Variants in NTRK2 observed in about 807,000 individuals in gnomAD.
NTRK2 encodes BDNF/NT-3 growth factors receptor.
NTRK2 carries 13 observed loss-of-function variants against 94.5 expected under a neutral mutation model. The ratio of observed to expected loss-of-function variants is 0.14; its 90% CI spans 0.09 to 0.22. The LOEUF (loss-of-function observed/expected upper bound fraction) is 0.22. Ranked by LOEUF, NTRK2 falls within the 10% of genes least tolerant of loss-of-function variation. The pLI, the probability that NTRK2 is intolerant of heterozygous loss-of-function variation, is 1.00. For synonymous variants in NTRK2, 372 were observed against 407.4 expected, an observed-to-expected ratio of 0.91 and a Z score of 1.05; for missense variants, 639 against 1,071.2, an observed-to-expected ratio of 0.60 and a Z score of 5.63.
chr9:84,796,879 T>C (rs1356008457), intron 12 of NTRK2, among the ~76,000 whole-genome samples: 2 of 152,216 alleles, frequency 1.3e-5, no homozygotes, highest in Non-Finnish European at 2.9e-5. Flanking sequence ...TTTTTTTCTT[T>C]TGGGTAAGGC....
chr9:84,764,184 C>T (rs116282952), intron 12 of NTRK2, among the ~76,000 whole-genome samples: 43 of 152,304 alleles, frequency 2.8e-4, no homozygotes, highest in African/African-American at 9.9e-4. Flanking sequence ...AGATAGTGAC[C>T]ACCAGATACC....
rs997070292 is a variant in NTRK2 at position 84,986,999 on chromosome 9, C to T, written c.2172+31482C>T. Among the ~76,000 whole-genome samples, 12 of 152,188 alleles carry T rather than the reference C, an allele frequency of 7.9e-5. 1 individual carries two copies. Among genetic ancestry groups the T allele is most frequent in the Non-Finnish European group, 1.3e-4 (9 of 68,040 alleles). ...GAAATGTGAAGTCCATTAGCCGGGGCTGTTTCTGATGAAGCTGAGGGAGGG... is the reference window on the plus strand; with the variant it reads ...GAAATGTGAAGTCCATTAGCCGGGGTTGTTTCTGATGAAGCTGAGGGAGGG... On this transcript the variant is annotated intron_variant, in intron 17 of 18. Transcript: ENST00000277120.
Position 84,703,101 on chromosome 9 carries a change from C to G in NTRK2, c.359+682C>G, listed in dbSNP as rs1159689468. ...AAGGTGTGGCTTTCCTGAGAGTTGT[C>G]TTCATTAAACTAAAGATCACCTAAG... On this transcript the variant is annotated intron_variant, in intron 4 of 18. Coordinates refer to ENST00000277120, the MANE Select transcript of NTRK2 (RefSeq NM_006180.6). Among the ~76,000 whole-genome samples, 3 of 152,298 alleles carry G rather than the reference C, an allele frequency of 2.0e-5. No homozygotes were observed. In the South Asian group the frequency reaches 6.2e-4, roughly 32 times the overall value.
intron 17 of NTRK2, among the ~76,000 whole-genome samples, chr9:84,960,081 C>A (rs1588051818): frequency 6.6e-6 from 1 of 152,158 alleles, no homozygotes; most frequent in East Asian, 1.9e-4. Context: ...GAAGAATAAG[C>A]AAAGTGATTT....
chr9:84,867,261 G>C lies in NTRK2; in HGVS notation c.1463G>C (p.Ser488Thr), dbSNP rs75796345. ...RQGVGPASVISNDDDSASPLH... is the reference protein window; with the variant it reads ...RQGVGPASVITNDDDSASPLH... ...TCTCCAGGCCCAGCCTCCGTTATCAGCAATGATGATGACTCTGCCAGCCCA... is the reference window on the plus strand; with the variant it reads ...TCTCCAGGCCCAGCCTCCGTTATCACCAATGATGATGACTCTGCCAGCCCA... The change falls in exon 14 of 19, where the codon AGC becomes ACC. Residue 488 changes from serine (S) to threonine (T), a missense_variant. Transcript: ENST00000277120. The C allele has an allele frequency of 6.2e-7, 1 of 1,614,026 alleles. No homozygotes were observed. The highest frequency in any genetic ancestry group is 8.5e-7 in the Non-Finnish European group (1 of 1,179,934).
intron 12 of NTRK2, among the ~76,000 whole-genome samples, chr9:84,786,956 C>G (rs2068176567): frequency 6.6e-6 from 1 of 152,044 alleles, no homozygotes. Context: ...GCTGGTTAGA[C>G]TTTTGGAAGC....
chr9:85,004,244 A>C (rs1830716565), intron 17 of NTRK2, among the ~76,000 whole-genome samples: 1 of 152,052 alleles, frequency 6.6e-6, no homozygotes, highest in South Asian at 2.1e-4. Context: ...AGATTGTTCC[A>C]AAGTCTGATG....
intron 2 of NTRK2, among the ~76,000 whole-genome samples, chr9:84,672,002 A>G (rs1470965042): frequency 1.3e-5 from 2 of 152,120 alleles, no homozygotes; most frequent in African/African-American, 4.8e-5. Context: ...TTGTAAGGCA[A>G]AGTTTCTCCC....
intron 13 of NTRK2, among the ~76,000 whole-genome samples, chr9:84,862,529 A>G (rs983093924): frequency 6.6e-6 from 1 of 152,234 alleles, no homozygotes; most frequent in African/African-American, 2.4e-5. Flanking sequence ...GTTTTAGGCC[A>G]CAGCAGAGAG....
At chr9:84,814,088 C>G (rs1184755468) in intron 12 of NTRK2, 1 of 1,065,248 alleles carries the variant, frequency 9.4e-7, no homozygotes, top group Non-Finnish European at 1.1e-6. Flanking sequence ...CTCTCCCAGT[C>G]TCCCAGCAGG....
intron 12 of NTRK2, among the ~76,000 whole-genome samples, chr9:84,784,240 A>G (rs1234485769): frequency 6.6e-6 from 1 of 152,182 alleles, no homozygotes; most frequent in Non-Finnish European, 1.5e-5. Flanking sequence ...AATTGTGCAT[A>G]TTTATGAGAT....
Position 84,948,816 on chromosome 9 carries a change from T to G in NTRK2, c.1937+182T>G, listed in dbSNP as rs116102486. 8.1e-3 allele frequency among the ~76,000 whole-genome samples: 1,238 copies of G among 152,334 alleles called. 14 individuals carry two copies. Among genetic ancestry groups the G allele is most frequent in the African/African-American group, 0.028 (1,174 of 41,590 alleles). ...AAAGAAGGTGACAGTCTTGTTCTTT[T>G]TCCTTAATGAATTCTATGTAATGTG... On this transcript the variant is annotated intron_variant, in intron 16 of 18. Transcript: ENST00000277120.
At chr9:84,846,136 A>G (rs957329101) in intron 12 of NTRK2, among the ~76,000 whole-genome samples, 2 of 152,190 alleles carry the variant, frequency 1.3e-5, no homozygotes, top group African/African-American at 4.8e-5. Flanking sequence ...TCCAAATTTG[A>G]CAATGCTTAG....
chr9:84,982,118 C>A (rs1827699372), intron 17 of NTRK2, among the ~76,000 whole-genome samples: 1 of 152,148 alleles, frequency 6.6e-6, no homozygotes. Flanking sequence ...TTATATTTTG[C>A]ACACCCCCAT....
intron 12 of NTRK2, among the ~76,000 whole-genome samples, chr9:84,840,352 T>G (rs2074110093): frequency 6.6e-6 from 1 of 150,982 alleles, no homozygotes; most frequent in Non-Finnish European, 1.5e-5. Context: ...TCGCTGGTTA[T>G]AAGGTCACTG....
intron 12 of NTRK2, among the ~76,000 whole-genome samples, chr9:84,759,783 T>C (rs1293337977): frequency 6.6e-6 from 1 of 152,248 alleles, no homozygotes; most frequent in Non-Finnish European, 1.5e-5. Flanking sequence ...TTCCCTGTCA[T>C]TTTGTCCTGC....
intron 2 of NTRK2, among the ~76,000 whole-genome samples, chr9:84,689,912 T>C (rs78219060): frequency 0.028 from 4,220 of 152,104 alleles, 205 homozygotes; most frequent in African/African-American, 0.096. Flanking sequence ...ATTAAAAGCT[T>C]TTTTTTTAAA....
intron 9 of NTRK2, among the ~76,000 whole-genome samples, chr9:84,730,316 C>T (rs1054693586): frequency 2.6e-5 from 4 of 152,192 alleles, no homozygotes; most frequent in African/African-American, 2.4e-5. Context: ...CCAGTGTGAC[C>T]GATTAGAGAT....
At chr9:84,828,421 C>A (rs1226217499) in intron 12 of NTRK2, among the ~76,000 whole-genome samples, 1 of 152,156 alleles carries the variant, frequency 6.6e-6, no homozygotes, top group Non-Finnish European at 1.5e-5. Flanking sequence ...AGATATGCTT[C>A]TTCTCCCTAA....
Sources: allele counts gnomAD v4.1 joint callset (sites outside exome capture counted in the v4.1 genomes callset), GRCh38; gene constraint gnomAD v4.1.1; transcripts MANE v1.5; gene names NCBI Gene and HGNC (gene_info 2026-07-23, HGNC 2026-07-21).